The following CHL1 variants were observed in gnomAD, a reference collection of about 807,000 sequenced individuals.
CHL1 encodes the protein neural cell adhesion molecule L1-like protein.
A neutral mutation model predicts 141.9 loss-of-function variants in CHL1; 96 were observed. The ratio of observed to expected loss-of-function variants is 0.68; its 90% CI spans 0.57 to 0.80. The LOEUF (loss-of-function observed/expected upper bound fraction) is 0.80. Ranked by LOEUF, CHL1 falls within the 30% of genes least tolerant of loss-of-function variation. The pLI is 0.00. For synonymous variants in CHL1, 613 were observed against 502.2 expected (o/e 1.22, Z -2.95); for missense variants, 1,820 against 1,457.2 (o/e 1.25, Z -4.05).
chr3:349,057 T>G (rs895173268), intron 9 of CHL1, among the ~76,000 whole-genome samples: 1 of 152,244 alleles, frequency 6.6e-6, no homozygotes, highest in Non-Finnish European at 1.5e-5. Context: ...CCAGCTATTT[T>G]TCCTTCGCTC....
intron 1 of CHL1, among the ~76,000 whole-genome samples, chr3:203,985 G>A (rs541549586): frequency 1.3e-5 from 2 of 152,324 alleles, no homozygotes; most frequent in East Asian, 3.9e-4. Context: ...GTACAAAATA[G>A]GGAATCATTA....
chr3:204,047 CT>C (rs1699191060), intron 1 of CHL1, among the ~76,000 whole-genome samples: 1 of 152,184 alleles, frequency 6.6e-6, no homozygotes, highest in South Asian at 2.1e-4. Context: ...TTCCTTTCTT[CT>C]TTCTTTCATT....
At chr3:241,037 G>T (rs1373254599) in intron 1 of CHL1, among the ~76,000 whole-genome samples, 1 of 152,088 alleles carries the variant, frequency 6.6e-6, no homozygotes, top group Non-Finnish European at 1.5e-5. Context: ...TTATTATGGT[G>T]CCAGGCAGTG....
intron 1 of CHL1, among the ~76,000 whole-genome samples, chr3:225,224 C>T (rs1031550691): frequency 5.9e-5 from 9 of 152,124 alleles, no homozygotes; most frequent in African/African-American, 1.9e-4. Context: ...AATTATTGCC[C>T]ACTGAGTATG....
chr3:321,498 G>GA (rs1462233744), intron 3 of CHL1, among the ~76,000 whole-genome samples: 1 of 152,050 alleles, frequency 6.6e-6, no homozygotes, highest in Non-Finnish European at 1.5e-5. Context: ...TAATCCTGTG[G>GA]AAAAATGTTA....
intron 16 of CHL1, among the ~76,000 whole-genome samples, chr3:380,053 A>G (rs998345642): frequency 1.3e-5 from 2 of 152,204 alleles, no homozygotes; most frequent in Non-Finnish European, 2.9e-5. Flanking sequence ...TTCTAGCTCC[A>G]TACGATTCTC....
At position 344,722 on chromosome 3, in the gene CHL1, A is replaced by T; in HGVS notation, c.848+13A>T. ...TTGCTGAAGGCTTGTGAGTAACCTGACTCTCACTCATGACTTTGTCCATCC... is the reference window on the plus strand; with the variant it reads ...TTGCTGAAGGCTTGTGAGTAACCTGTCTCTCACTCATGACTTTGTCCATCC... On this transcript the variant is annotated intron_variant, in intron 9 of 27. Coordinates refer to ENST00000256509, the MANE Select transcript of CHL1 (RefSeq NM_006614.4). The T allele has an allele frequency of 6.2e-7, 1 of 1,612,668 alleles. No individual in the cohort carries two copies. Among genetic ancestry groups the T allele is most frequent in the Non-Finnish European group, 8.5e-7 (1 of 1,179,286 alleles).
At position 382,035 on chromosome 3, in the gene CHL1, A is replaced by G; in HGVS notation, c.1877-144A>G. On this transcript the variant is annotated intron_variant, in intron 16 of 27. Transcript: ENST00000256509. ...TTGAAACTCCACCTTTCCCTTCCAT[A>G]TGTGGGGTGGGGGGCGGGGGTGCTT... The G allele has an allele frequency of 6.5e-6, 3 of 461,224 alleles. No individual in the cohort carries two copies. In the South Asian group the frequency reaches 7.1e-5, roughly 11 times the overall value. 28.6% of individuals were successfully genotyped at this position (461,224 alleles called of 1,614,324 possible). A position where few individuals can be genotyped will look rare whatever the true frequency, so the allele number is the denominator to read the frequency against.
At chr3:202,671 G>C (rs1484914010) in intron 1 of CHL1, among the ~76,000 whole-genome samples, 1 of 152,102 alleles carries the variant, frequency 6.6e-6, no homozygotes, top group African/African-American at 2.4e-5. Flanking sequence ...GATTGTGTTG[G>C]GCTAAGGCAT....
At chr3:371,953 TAG>T (rs1705693230) in intron 15 of CHL1, among the ~76,000 whole-genome samples, 2 of 152,188 alleles carry the variant, frequency 1.3e-5, no homozygotes, top group South Asian at 4.1e-4. Context: ...TTCTGGCTTG[TAG>T]AGTTTCTTCT....
At chr3:347,196 A>C (rs1213378432) in intron 9 of CHL1, among the ~76,000 whole-genome samples, 1 of 152,102 alleles carries the variant, frequency 6.6e-6, no homozygotes, top group African/African-American at 2.4e-5. Flanking sequence ...TCGTGGGTTT[A>C]AAGTAGGTAT....
chr3:233,999 T>A (rs1384845873), intron 1 of CHL1, among the ~76,000 whole-genome samples: 1 of 151,992 alleles, frequency 6.6e-6, no homozygotes, highest in Non-Finnish European at 1.5e-5. Context: ...GAAGTCAAAA[T>A]GCTCATAATA....
chr3:288,665 C>A (rs1697388310), intron 2 of CHL1, among the ~76,000 whole-genome samples: 2 of 152,282 alleles, frequency 1.3e-5, no homozygotes, highest in African/African-American at 4.8e-5. Context: ...GGTCAAGGAT[C>A]TCAGCATTTT....
At chr3:271,266 C>T (rs1215578915) in intron 2 of CHL1, among the ~76,000 whole-genome samples, 1 of 152,110 alleles carries the variant, frequency 6.6e-6, no homozygotes, top group African/African-American at 2.4e-5. Context: ...GCAAAAATGC[C>T]TACTTTATTG....
In CHL1 at chr3:365,970, T is replaced by G; in HGVS notation, c.1606T>G (p.Ser536Ala). The change falls in exon 15 of 28, where the codon TCT becomes GCT. Residue 536 changes from serine to alanine, a missense_variant. By Grantham distance (99) the Ser-to-Ala change is moderately conservative (BLOSUM62 1). Coordinates refer to ENST00000256509, the MANE Select transcript of CHL1 (RefSeq NM_006614.4). ...AACAGATGCTACAAAACTTAGAGTT[T>G]CTCCTAAGAATCCTCGTATCCCCAA... Reference protein sequence around the residue: ...DIRNATKLRVSPKNPRIPKLH... With the variant: ...DIRNATKLRVAPKNPRIPKLH... 1 of 1,613,224 alleles carries G rather than the reference T, an allele frequency of 6.2e-7. No individual in the cohort carries two copies. Among genetic ancestry groups the G allele is most frequent in the South Asian group, 1.1e-5 (1 of 91,016 alleles).
chr3:364,717 A>C (rs373609826), intron 14 of CHL1, among the ~76,000 whole-genome samples: 1 of 152,168 alleles, frequency 6.6e-6, no homozygotes, highest in East Asian at 1.9e-4. Flanking sequence ...TGAGAGCATG[A>C]GCTTTAGTCT....
At chr3:321,851 T>C (rs1052627825) in intron 3 of CHL1, among the ~76,000 whole-genome samples, 5 of 151,848 alleles carry the variant, frequency 3.3e-5, no homozygotes, top group African/African-American at 1.2e-4. Context: ...TGTCAAGGAG[T>C]CTGGTGTCTC....
chr3:362,326 T>A (rs933539332), intron 13 of CHL1, among the ~76,000 whole-genome samples: 1 of 152,168 alleles, frequency 6.6e-6, no homozygotes, highest in Non-Finnish European at 1.5e-5. Flanking sequence ...CTTGGTTAAA[T>A]AGTTCTTGAA....
chr3:253,699 C>T (rs1693909651), intron 2 of CHL1, among the ~76,000 whole-genome samples: 1 of 152,124 alleles, frequency 6.6e-6, no homozygotes. Flanking sequence ...CTCCCAATTA[C>T]TAAAATGTAA....
Sources: gnomAD v4.1 joint callset for allele counts (sites outside exome capture counted in the v4.1 genomes callset) on GRCh38, gnomAD v4.1.1 for gene constraint, MANE v1.5 for transcripts, NCBI Gene and HGNC (gene_info 2026-07-23, HGNC 2026-07-21) for gene names.